FREM3: variants seen among roughly 807,000 people sequenced by gnomAD.
FREM3 encodes the protein FRAS1 related extracellular matrix 3.
In FREM3, 105 loss-of-function variants were observed where a neutral mutation model predicts 129.1. The observed-to-expected ratio is 0.81, with a 90% confidence interval of 0.69 to 0.96. FREM3 has a LOEUF of 0.96. FREM3 is among the 40% of genes least tolerant of loss of function. The probability of loss-of-function intolerance (pLI) is 0.00; values close to 1 mark genes in which losing one functional copy is unlikely to be tolerated. For missense variants in FREM3, 2,593 were observed against 2,666.3 expected, an observed-to-expected ratio of 0.97 and a Z score of 0.61; for synonymous variants, 1,014 against 1,044.9, an observed-to-expected ratio of 0.97 and a Z score of 0.57.
At chr4:143,633,658 A>G (rs1739180490) in intron 2 of FREM3, among the ~76,000 whole-genome samples, 1 of 152,212 alleles carries the variant, frequency 6.6e-6, no homozygotes, top group South Asian at 2.1e-4. Flanking sequence ...CTATATTAAT[A>G]TTGATGCAAT....
intron 2 of FREM3, among the ~76,000 whole-genome samples, chr4:143,685,809 A>G (rs548224954): frequency 8.4e-4 from 128 of 152,098 alleles, no homozygotes; most frequent in African/African-American, 3.0e-3. Flanking sequence ...GAGTCGAACA[A>G]TGAGAACACA....
Position 143,577,457 on chromosome 4 carries a change from C to A in FREM3, c.*154G>T. On this transcript the variant is annotated 3_prime_UTR_variant, in exon 8 of 8. Transcript: ENST00000329798. The stretch of plus-strand genomic sequence containing the variant: ...ATATATATTTCTATCTCCATGCAGT[C>A]ATATAAATTACATTTCCACATATCA... 3.0e-6 allele frequency: 2 copies of A among 666,430 alleles called. No homozygotes were observed. The highest frequency in any genetic ancestry group is 2.1e-5 in the South Asian group (1 of 48,472). The allele number at this position is 666,430 out of a possible 1,614,324, so 41.3% of individuals were successfully genotyped here.
In FREM3 at chr4:143,661,078, C is replaced by T. The variant is rs529295069; in HGVS notation, c.5275+32035G>A. Among the ~76,000 whole-genome samples the T allele has an allele frequency of 1.2e-4, 19 of 152,282 alleles. No homozygotes were observed. The East Asian group carries it at 1.4e-3, about 11-fold the overall frequency. On this transcript the variant is annotated intron_variant, in intron 2 of 7. Coordinates refer to ENST00000329798, the MANE Select transcript of FREM3 (RefSeq NM_001168235.2). ...TTTCCTAATTGAATACCCTTTATTT[C>T]GTTCGCTGCCTGATTGCCCTGGCCA...
chr4:143,594,514 C>T (rs1009372629), intron 6 of FREM3, among the ~76,000 whole-genome samples: 1 of 152,164 alleles, frequency 6.6e-6, no homozygotes. Context: ...ACATTTTTAA[C>T]TCTCTTCTGA....
chr4:143,698,885 C>A lies in FREM3; in HGVS notation c.1791G>T (p.Trp597Cys). The A allele has an allele frequency of 6.5e-7, 1 of 1,537,522 alleles. No individual in the cohort carries two copies. Among genetic ancestry groups the A allele is most frequent in the Non-Finnish European group, 8.7e-7 (1 of 1,146,950 alleles). Residue 597 changes from tryptophan to cysteine, a missense_variant, in exon 1 of 8, where the codon TGG becomes TGT. By Grantham distance (215) the Trp-to-Cys change is radical (BLOSUM62 -2). Coordinates refer to ENST00000329798, the MANE Select transcript of FREM3 (RefSeq NM_001168235.2). ...AGTGGGAGGAACCAGGGGCCAACTC[C>A]CACTGAGGCTCTTCCTCATTTCCTT... ...PLKGNEEEPQ[W>C]ELAPGSSHSG... is the part of the protein sequence containing the mutation.
chr4:143,579,951 C>G (rs540201834), intron 7 of FREM3, among the ~76,000 whole-genome samples: 48 of 152,290 alleles, frequency 3.2e-4, no homozygotes, highest in South Asian at 1.0e-3. Context: ...GGCGTCATTA[C>G]TTTTATGCAA....
chr4:143,611,280 A>T lies in FREM3; in HGVS notation c.6027T>A (p.Asp2009Glu). 2 of 1,535,716 alleles carry T rather than the reference A, an allele frequency of 1.3e-6. No individual in the cohort carries two copies. The highest frequency in any genetic ancestry group is 2.4e-5 in the South Asian group (2 of 83,980). Residue 2009 changes from aspartate (D) to glutamate (E), a missense_variant and splice_region_variant, in exon 6 of 8, where the codon GAT becomes GAA. Asp to Glu is a conservative substitution (Grantham distance 45). Coordinates refer to ENST00000329798, the MANE Select transcript of FREM3 (RefSeq NM_001168235.2). ...TKVTILADRYDEPVLHFGDAE... is the reference protein window; with the variant it reads ...TKVTILADRYEEPVLHFGDAE... The stretch of plus-strand genomic sequence containing the variant: ...TTGGAAAGCAACAAATGGACTTACC[A>T]TCATAACGATCAGCCAGAATAGTCA...
Position 143,680,836 on chromosome 4 carries a change from A to T in FREM3, c.5275+12277T>A, listed in dbSNP as rs113335733. Reference sequence around the variant, plus strand: ...TTAACTGCATGGAGAGATTAATTGAACTCTTGGTTGGTTCTATCACTGTCA... The same window carrying T: ...TTAACTGCATGGAGAGATTAATTGATCTCTTGGTTGGTTCTATCACTGTCA... On this transcript the variant is annotated intron_variant, in intron 2 of 7. Coordinates refer to ENST00000329798, the MANE Select transcript of FREM3 (RefSeq NM_001168235.2). 1.8e-3 allele frequency among the ~76,000 whole-genome samples: 268 copies of T among 151,802 alleles called. 1 individual carries two copies. The highest frequency in any genetic ancestry group is 5.8e-3 in the African/African-American group (241 of 41,444).
chr4:143,601,883 G>C (rs1738579432), intron 6 of FREM3: 1 of 151,920 alleles, frequency 6.6e-6, no homozygotes, highest in Admixed American at 6.6e-5. Context: ...TTTGACAGGG[G>C]GATATTCAAT....
Position 143,699,710 on chromosome 4 carries a change from C to G in FREM3, c.966G>C (p.Leu322=). 1 of 1,520,672 alleles carries G rather than the reference C, an allele frequency of 6.6e-7. No homozygotes were observed. Among genetic ancestry groups the G allele is most frequent in the Non-Finnish European group, 8.8e-7 (1 of 1,137,490 alleles). 94.2% of individuals were successfully genotyped at this position (1,520,672 alleles called of 1,614,324 possible). Residue 322 remains leucine, a synonymous_variant, in exon 1 of 8, where the codon CTG becomes CTC. Coordinates refer to ENST00000329798, the MANE Select transcript of FREM3 (RefSeq NM_001168235.2). The surrounding 1 kb of genome is among the most constrained non-coding windows in gnomAD (Gnocchi z 4.2). Reference sequence around the variant, plus strand: ...CCAGTGCGTCAGGCGTCAGGGCTGTCAGCACCAGTGGATCCACCTCCATCA... The same window carrying G: ...CCAGTGCGTCAGGCGTCAGGGCTGTGAGCACCAGTGGATCCACCTCCATCA... ...TMMMEVDPLV[L]TALTPDALAA... is the part of the protein sequence containing the mutation.
At position 143,577,837 on chromosome 4, in the gene FREM3, A is replaced by G. The variant is rs749212626; in HGVS notation, c.6194T>C (p.Val2065Ala). 1 of 1,537,162 alleles carries G rather than the reference A, an allele frequency of 6.5e-7. No homozygotes were observed. Among genetic ancestry groups the G allele is most frequent in the South Asian group, 1.2e-5 (1 of 84,032 alleles). Residue 2065 changes from valine to alanine, a missense_variant, in exon 8 of 8, where the codon GTT becomes GCT. Coordinates refer to ENST00000329798, the MANE Select transcript of FREM3 (RefSeq NM_001168235.2). ...QESAEAGTDY[V>A]GISRNLDFAP... ...AAAGTCCAGGTTTCGGCTGATACCA[A>G]CATAATCTGTTCCAGCTAGTGAAAA...
At chr4:143,594,451 T>G (rs1470573321) in intron 6 of FREM3, among the ~76,000 whole-genome samples, 1 of 152,234 alleles carries the variant, frequency 6.6e-6, no homozygotes, top group Non-Finnish European at 1.5e-5. Context: ...CCTTGTATTT[T>G]TAGTGATGCA....
chr4:143,585,301 ATAAAGC>A lies in FREM3; in HGVS notation c.6178+537_6178+542del, dbSNP rs1384345410. ...CCTATTGGGTCCTGTTCTTTTTCTGATAAAGCACCTGACAGGTACTCTAGAGGAAAT... is the reference window on the plus strand; with the variant it reads ...CCTATTGGGTCCTGTTCTTTTTCTGAACCTGACAGGTACTCTAGAGGAAAT... On this transcript the variant is annotated intron_variant, in intron 7 of 7. Coordinates refer to ENST00000329798, the MANE Select transcript of FREM3 (RefSeq NM_001168235.2). This position sits in a 1 kb window ranked among gnomAD's most constrained non-coding sequence, Gnocchi z 4.2. Among the ~76,000 whole-genome samples, 3 of 152,362 alleles carry A rather than the reference ATAAAGC, an allele frequency of 2.0e-5. No individual in the cohort carries two copies. Among genetic ancestry groups the A allele is most frequent in the Middle Eastern group, 3.4e-3 (1 of 294 alleles).
At chr4:143,664,246 T>C (rs758985969) in intron 2 of FREM3, among the ~76,000 whole-genome samples, 1 of 152,262 alleles carries the variant, frequency 6.6e-6, no homozygotes, top group Middle Eastern at 3.4e-3. Context: ...ATGATGGTGA[T>C]GCACAGATGA....
intron 7 of FREM3, among the ~76,000 whole-genome samples, chr4:143,583,108 A>G (rs1249499998): frequency 1.3e-5 from 2 of 151,998 alleles, no homozygotes; most frequent in African/African-American, 4.8e-5. Flanking sequence ...GACTCAAGCA[A>G]TCCACCTGCC....
At chr4:143,672,941 A>T (rs1020607633) in intron 2 of FREM3, among the ~76,000 whole-genome samples, 2 of 152,216 alleles carry the variant, frequency 1.3e-5, no homozygotes, top group Non-Finnish European at 2.9e-5. Context: ...TTTCAGCTCC[A>T]TCAGGTCCTT....
intron 2 of FREM3, among the ~76,000 whole-genome samples, chr4:143,630,819 G>A (rs1485569633): frequency 6.6e-6 from 1 of 152,162 alleles, no homozygotes; most frequent in Non-Finnish European, 1.5e-5. Flanking sequence ...ATGAATCCAA[G>A]AAGGTGAAGT....
rs1740623071 is a variant in FREM3, at chr4:143,698,436, AGT to A, written c.2238_2239del (p.Leu747ProfsTer3). On this transcript the variant is annotated frameshift_variant, in exon 1 of 8. Transcript: ENST00000329798. LOFTEE classifies it high-confidence loss of function. ...GTGGTTGCCATCTGTGTCAGTCGGG[AGT>A]GTCAGTAGGGTGTACCATAGGTTCT... The A allele has an allele frequency of 2.0e-6, 3 of 1,537,706 alleles. No homozygotes were observed. In the Admixed American group the frequency reaches 5.9e-5, roughly 30 times the overall value.
At chr4:143,608,437 GT>G (rs1738701630) in intron 6 of FREM3, among the ~76,000 whole-genome samples, 1 of 152,118 alleles carries the variant, frequency 6.6e-6, no homozygotes, top group African/African-American at 2.4e-5. Context: ...TCTAATATCT[GT>G]TGGGTGCTTT....
Sources: allele counts gnomAD v4.1 joint callset (sites outside exome capture counted in the v4.1 genomes callset), GRCh38; gene constraint gnomAD v4.1.1; non-coding constraint Gnocchi (gnomAD v3.1); transcripts MANE v1.5; gene names NCBI Gene and HGNC (gene_info 2026-07-23, HGNC 2026-07-21).